Variants in BRINP3 observed in about 807,000 individuals in gnomAD.
The protein encoded by BRINP3 is BMP/retinoic acid-inducible neural-specific protein 3.
In BRINP3, 19 loss-of-function variants were observed where a neutral mutation model predicts 71.0. That is an observed-to-expected ratio of 0.27 (90% CI 0.19 to 0.39). The LOEUF (loss-of-function observed/expected upper bound fraction) is 0.39. Ranked by LOEUF, BRINP3 falls within the 10% of genes least tolerant of loss-of-function variation. The probability of loss-of-function intolerance (pLI) is 1.00; values close to 1 mark genes in which losing one functional copy is unlikely to be tolerated. For synonymous variants in BRINP3, 380 were observed against 337.7 expected (o/e 1.13, Z -1.37); for missense variants, 959 against 940.8 (o/e 1.02, Z -0.25).
At position 190,454,808 on chromosome 1, in the gene BRINP3, C is replaced by G; in HGVS notation, c.83G>C (p.Trp28Ser). Reference protein sequence around the residue: ...WEWIALSLHCWVLAVAAVSDQ... With the variant: ...WEWIALSLHCSVLAVAAVSDQ... The stretch of plus-strand genomic sequence containing the variant: ...CGAAACAGCAGCAACCGCTAAAACC[C>G]AGCAATGAAGACTCAGTGCTATCCA... The change falls in exon 2 of 8, where the codon TGG becomes TCG. Residue 28 changes from tryptophan (W) to serine (S), a missense_variant. Physicochemically the swap from Trp to Ser is radical, Grantham distance 177. Transcript: ENST00000367462. 6.2e-7 allele frequency: 1 copy of G among 1,614,140 alleles called. No individual in the cohort carries two copies. Among genetic ancestry groups the G allele is most frequent in the Non-Finnish European group, 8.5e-7 (1 of 1,180,026 alleles).
At chr1:190,258,894 T>C (rs922816446) in intron 4 of BRINP3, among the ~76,000 whole-genome samples, 1 of 152,138 alleles carries the variant, frequency 6.6e-6, no homozygotes, top group Non-Finnish European at 1.5e-5. Context: ...ATCTTAGCAC[T>C]TGGGGTGGCC....
chr1:190,160,652 A>G lies in BRINP3; in HGVS notation c.1184+16T>C. ...GGCAATAAACTTAATTGCTTACATT[A>G]CCACAAATGTCTTACCTTTGTCTTG... On this transcript the variant is annotated intron_variant, in intron 7 of 7. Coordinates refer to ENST00000367462, the MANE Select transcript of BRINP3 (RefSeq NM_199051.3). The G allele has an allele frequency of 6.2e-7, 1 of 1,600,182 alleles. No individual in the cohort carries two copies. Among genetic ancestry groups the G allele is most frequent in the Non-Finnish European group, 8.5e-7 (1 of 1,173,214 alleles).
chr1:190,334,146 G>A (rs1035921718), intron 2 of BRINP3, among the ~76,000 whole-genome samples: 3 of 151,704 alleles, frequency 2.0e-5, no homozygotes, highest in Non-Finnish European at 2.9e-5. Flanking sequence ...AAAATTTCAG[G>A]TTAAGTTCAG....
At chr1:190,410,242 T>C (rs982533335) in intron 2 of BRINP3, among the ~76,000 whole-genome samples, 1 of 152,108 alleles carries the variant, frequency 6.6e-6, no homozygotes, top group Non-Finnish European at 1.5e-5. Context: ...ACTCCTTTGC[T>C]AGTCAATTAG....
intron 4 of BRINP3, among the ~76,000 whole-genome samples, chr1:190,256,765 T>A (rs1209288555): frequency 6.6e-6 from 1 of 152,226 alleles, no homozygotes; most frequent in Non-Finnish European, 1.5e-5. Flanking sequence ...GAGCTGGATA[T>A]GAAATTTTGG....
At position 190,281,734 on chromosome 1, in the gene BRINP3, T is replaced by C; in HGVS notation, c.253A>G (p.Lys85Glu). 1 of 1,609,124 alleles carries C rather than the reference T, an allele frequency of 6.2e-7. No homozygotes were observed. The highest frequency in any genetic ancestry group is 8.5e-7 in the Non-Finnish European group (1 of 1,178,202). The change falls in exon 3 of 8, where the codon AAA becomes GAA. Residue 85 changes from lysine to glutamate, a missense_variant. By Grantham distance (56) the Lys-to-Glu change is moderately conservative. Coordinates refer to ENST00000367462, the MANE Select transcript of BRINP3 (RefSeq NM_199051.3). ...CTCTCAACTGCAAGGTTATTTACTT[T>C]CCAGCGGCCAAACTCCCTGAAAAGC... Reference protein sequence around the residue: ...YKIYREFGRWKVNNLAVERRN... With the variant: ...YKIYREFGRWEVNNLAVERRN...
chr1:190,137,289 T>A (rs1331231335), intron 7 of BRINP3, among the ~76,000 whole-genome samples: 2 of 152,144 alleles, frequency 1.3e-5, no homozygotes, highest in African/African-American at 4.8e-5. Flanking sequence ...GATGCCAGTT[T>A]ATCCGGTTTT....
At chr1:190,455,922 A>C (rs1675953335) in intron 1 of BRINP3, among the ~76,000 whole-genome samples, 2 of 152,144 alleles carry the variant, frequency 1.3e-5, no homozygotes, top group African/African-American at 4.8e-5. Context: ...AATTCTAAAA[A>C]TATTTGAATT....
chr1:190,336,219 T>C (rs1305509097), intron 2 of BRINP3, among the ~76,000 whole-genome samples: 1 of 152,038 alleles, frequency 6.6e-6, no homozygotes, highest in Non-Finnish European at 1.5e-5. Flanking sequence ...AACAGTTCTA[T>C]TTAACAATAT....
chr1:190,352,839 TTCTC>T (rs35659970), intron 2 of BRINP3, among the ~76,000 whole-genome samples: 30 of 146,422 alleles, frequency 2.0e-4, no homozygotes, highest in Non-Finnish European at 3.0e-4. Flanking sequence ...GCAACAGATA[TTCTC>T]TCTCTCTCTC....
At chr1:190,314,221 G>A (rs1467379884) in intron 2 of BRINP3, among the ~76,000 whole-genome samples, 31 of 152,008 alleles carry the variant, frequency 2.0e-4, no homozygotes, top group Non-Finnish European at 5.9e-5. Flanking sequence ...AGTAGGAACA[G>A]CTTTGGAAAC....
In BRINP3 at chr1:190,098,218, A is replaced by G. The variant is rs771690116; in HGVS notation, c.2101T>C (p.Leu701=). ...YTQGSQDSAL[L]QLLEIRDRVN... ...CGGTCTCTGATCTCTAGTAGTTGCA[A>G]AAGTGCTGAATCCTGGGATCCCTGA... is the stretch of plus-strand genomic sequence containing the variant. The change falls in exon 8 of 8, where the codon TTG becomes CTG. Residue 701 remains leucine, a synonymous_variant. Transcript: ENST00000367462. 2 of 1,614,138 alleles carry G rather than the reference A, an allele frequency of 1.2e-6. No individual in the cohort carries two copies. Among genetic ancestry groups the G allele is most frequent in the South Asian group, 2.2e-5 (2 of 91,090 alleles).
chr1:190,252,294 C>T (rs1364448917), intron 4 of BRINP3, among the ~76,000 whole-genome samples: 1 of 152,002 alleles, frequency 6.6e-6, no homozygotes, highest in African/African-American at 2.4e-5. Context: ...TTTAGCTGTG[C>T]TGTGATCTTG....
chr1:190,402,114 C>G (rs1445787729), intron 2 of BRINP3, among the ~76,000 whole-genome samples: 2 of 151,976 alleles, frequency 1.3e-5, no homozygotes, highest in Non-Finnish European at 2.9e-5. Context: ...ATCTTTTACT[C>G]TTGAAAATAA....
chr1:190,191,249 C>T (rs1455341773), intron 6 of BRINP3, among the ~76,000 whole-genome samples: 1 of 152,038 alleles, frequency 6.6e-6, no homozygotes, highest in East Asian at 1.9e-4. Flanking sequence ...TCATCCTATA[C>T]AAATTAAATT....
rs1421191703 is a variant in BRINP3 at position 190,277,100 on chromosome 1, T to TATATATTCAGA, written c.427+4459_427+4460insTCTGAATATAT. Among the ~76,000 whole-genome samples the TATATATTCAGA allele has an allele frequency of 2.6e-5, 3 of 113,370 alleles. 1 individual carries two copies. The East Asian group carries it at 8.5e-4, about 32-fold the overall frequency. The allele number at this position is 113,370 out of a possible 152,430, so 74.4% of individuals were successfully genotyped here. ...TAAATTTTGGTTTTATATATATATATATATATATATATATATATTTATATT... is the reference window on the plus strand; with the variant it reads ...TAAATTTTGGTTTTATATATATATATATATATTCAGAATATATATATATATATATTTATATT... On this transcript the variant is annotated intron_variant, in intron 3 of 7. Coordinates refer to ENST00000367462, the MANE Select transcript of BRINP3 (RefSeq NM_199051.3).
At chr1:190,123,353 C>T (rs946229233) in intron 7 of BRINP3, among the ~76,000 whole-genome samples, 2 of 151,190 alleles carry the variant, frequency 1.3e-5, no homozygotes, top group East Asian at 1.9e-4. Flanking sequence ...TTACTAATAA[C>T]GACTTCAGTC....
intron 1 of BRINP3, among the ~76,000 whole-genome samples, chr1:190,471,183 T>A (rs1677114474): frequency 6.6e-6 from 1 of 151,120 alleles, no homozygotes; most frequent in Non-Finnish European, 1.5e-5. Context: ...ATCGTTATGG[T>A]GGCTATTTGA....
chr1:190,158,332 C>T (rs945577449), intron 7 of BRINP3, among the ~76,000 whole-genome samples: 3 of 152,042 alleles, frequency 2.0e-5, no homozygotes, highest in Admixed American at 6.6e-5. Flanking sequence ...AACTGTAAGT[C>T]CATTAAACCT....
Sources: allele counts gnomAD v4.1 joint callset (sites outside exome capture counted in the v4.1 genomes callset), GRCh38; gene constraint gnomAD v4.1.1; transcripts MANE v1.5; gene names NCBI Gene and HGNC (gene_info 2026-07-23, HGNC 2026-07-21).